Variants in ADCY2 observed in about 807,000 individuals in gnomAD.
The protein encoded by ADCY2 is adenylate cyclase type 2.
In ADCY2, 31 loss-of-function variants were observed where a neutral mutation model predicts 125.2. The ratio of observed to expected loss-of-function variants is 0.25; its 90% CI spans 0.19 to 0.33. The LOEUF (loss-of-function observed/expected upper bound fraction) is 0.33. Ranked by LOEUF, ADCY2 falls within the 10% of genes least tolerant of loss-of-function variation. The pLI is 1.00. For missense variants in ADCY2, 904 were observed against 1,418.2 expected, an observed-to-expected ratio of 0.64 and a Z score of 5.82; for synonymous variants, 512 against 548.4, an observed-to-expected ratio of 0.93 and a Z score of 0.93.
chr5:7,660,787 T>TAAA (rs11395291), intron 4 of ADCY2, among the ~76,000 whole-genome samples: 14 of 150,788 alleles, frequency 9.3e-5, no homozygotes, highest in East Asian at 1.9e-4. Flanking sequence ...AATCACATGT[T>TAAA]AAAAAAAAAA....
At chr5:7,779,559 A>T (rs1743847509) in intron 18 of ADCY2, among the ~76,000 whole-genome samples, 1 of 76,910 alleles carries the variant, frequency 1.3e-5, no homozygotes, top group South Asian at 6.8e-4. Flanking sequence ...GCAAAGGGCC[A>T]GCACTCCCAG....
At chr5:7,401,281 A>G (rs755845304) in intron 1 of ADCY2, among the ~76,000 whole-genome samples, 4 of 152,194 alleles carry the variant, frequency 2.6e-5, no homozygotes, top group Non-Finnish European at 5.9e-5. Context: ...CATTAGAGCC[A>G]GAAAGGTGCT....
chr5:7,625,123 G>A (rs1246576163), intron 3 of ADCY2, among the ~76,000 whole-genome samples: 1 of 152,218 alleles, frequency 6.6e-6, no homozygotes, highest in Non-Finnish European at 1.5e-5. Flanking sequence ...GATCAAATAT[G>A]AAGCCAAAGC....
chr5:7,616,936 A>T (rs1385493608), intron 3 of ADCY2, among the ~76,000 whole-genome samples: 2 of 152,118 alleles, frequency 1.3e-5, no homozygotes, highest in Non-Finnish European at 2.9e-5. Flanking sequence ...TTGTGTGCTC[A>T]CAGAGAAGAG....
In ADCY2 at chr5:7,828,350, C is replaced by G. The variant is rs1300817954; in HGVS notation, c.*1479C>G. ...TTTGAATCCTGGCTCTGATTTTTTA[C>G]TGGCTGTGTGACTTTGAACACATCT... is the stretch of plus-strand genomic sequence containing the variant. On this transcript the variant is annotated 3_prime_UTR_variant, in exon 25 of 25. Coordinates refer to ENST00000338316, the MANE Select transcript of ADCY2 (RefSeq NM_020546.3). The G allele has an allele frequency of 6.6e-6, 1 of 152,420 alleles. No homozygotes were observed. Among genetic ancestry groups the G allele is most frequent in the Admixed American group, 6.5e-5 (1 of 15,282 alleles). The allele number at this position is 152,420 out of a possible 1,614,324, so 9.4% of individuals were successfully genotyped here. A position where few individuals can be genotyped will look rare whatever the true frequency, so the allele number is the denominator to read the frequency against.
intron 14 of ADCY2, among the ~76,000 whole-genome samples, chr5:7,730,293 G>A (rs114200499): frequency 1.2e-3 from 177 of 152,266 alleles, no homozygotes; most frequent in African/African-American, 4.1e-3. Flanking sequence ...GTTGATGAAT[G>A]CTTGCATTGG....
At chr5:7,429,812 AG>A (rs1260088995) in intron 2 of ADCY2, among the ~76,000 whole-genome samples, 1 of 152,212 alleles carries the variant, frequency 6.6e-6, no homozygotes, top group Non-Finnish European at 1.5e-5. Context: ...AAAAGAAGAA[AG>A]GACTGAAATC....
chr5:7,807,790 C>T (rs543320067), intron 22 of ADCY2, among the ~76,000 whole-genome samples: 79 of 152,286 alleles, frequency 5.2e-4, no homozygotes, highest in African/African-American at 1.9e-3. Context: ...CAACCCTCTG[C>T]CTCAGCCTAC....
chr5:7,561,634 C>T (rs573650283), intron 3 of ADCY2, among the ~76,000 whole-genome samples: 7 of 150,256 alleles, frequency 4.7e-5, no homozygotes, highest in Admixed American at 1.3e-4. Context: ...AAATAATTTC[C>T]GAATGCACAT....
At chr5:7,610,845 T>C (rs957393700) in intron 3 of ADCY2, among the ~76,000 whole-genome samples, 7 of 152,172 alleles carry the variant, frequency 4.6e-5, no homozygotes, top group Non-Finnish European at 1.5e-5. Flanking sequence ...TTCTTGCAAA[T>C]TATGGAATTT....
chr5:7,704,390 A>G (rs1741193167), intron 7 of ADCY2, among the ~76,000 whole-genome samples: 1 of 152,194 alleles, frequency 6.6e-6, no homozygotes, highest in African/African-American at 2.4e-5. Flanking sequence ...AACATTTCCA[A>G]TGCTTAGAAA....
At chr5:7,457,811 A>G (rs1353454493) in intron 2 of ADCY2, among the ~76,000 whole-genome samples, 2 of 152,208 alleles carry the variant, frequency 1.3e-5, no homozygotes, top group Non-Finnish European at 2.9e-5. Flanking sequence ...GGCAATCGGT[A>G]AAACAGAACA....
At chr5:7,665,762 T>C (rs1277242498) in intron 4 of ADCY2, among the ~76,000 whole-genome samples, 1 of 151,152 alleles carries the variant, frequency 6.6e-6, no homozygotes, top group Non-Finnish European at 1.5e-5. Context: ...TCTCTATCTC[T>C]CTGATATTAC....
chr5:7,749,692 T>C (rs1742741510), intron 15 of ADCY2: 1 of 152,110 alleles, frequency 6.6e-6, no homozygotes, highest in Non-Finnish European at 1.5e-5. Flanking sequence ...ATACGGCAAA[T>C]GAAAATGCCA....
intron 3 of ADCY2, among the ~76,000 whole-genome samples, chr5:7,530,808 G>T (rs985082060): frequency 1.3e-5 from 2 of 151,988 alleles, no homozygotes; most frequent in Admixed American, 6.6e-5. Flanking sequence ...ACAGTGCCAT[G>T]CTCGTTCTCA....
chr5:7,439,837 G>C (rs1561026421), intron 2 of ADCY2, among the ~76,000 whole-genome samples: 1 of 152,144 alleles, frequency 6.6e-6, no homozygotes, highest in African/African-American at 2.4e-5. Context: ...TGCAAGTTTT[G>C]AATGTGGCAG....
At chr5:7,756,328 G>A (rs997065041) in intron 15 of ADCY2, among the ~76,000 whole-genome samples, 1 of 152,152 alleles carries the variant, frequency 6.6e-6, no homozygotes, top group Admixed American at 6.5e-5. Context: ...AGCAAATGCT[G>A]GCTGTCGTTC....
At chr5:7,603,814 T>G (rs1737310090) in intron 3 of ADCY2, among the ~76,000 whole-genome samples, 1 of 135,404 alleles carries the variant, frequency 7.4e-6, no homozygotes, top group African/African-American at 3.1e-5. Flanking sequence ...TTTTTTCTTT[T>G]GTTTTTTTTT....
chr5:7,532,191 G>A (rs532876275), intron 3 of ADCY2, among the ~76,000 whole-genome samples: 2 of 152,220 alleles, frequency 1.3e-5, no homozygotes, highest in Non-Finnish European at 2.9e-5. Context: ...CTTGCCGGAC[G>A]ATTGCAGATA....
Sources: gnomAD v4.1 joint callset for allele counts (sites outside exome capture counted in the v4.1 genomes callset) on GRCh38, gnomAD v4.1.1 for gene constraint, MANE v1.5 for transcripts, NCBI Gene and HGNC (gene_info 2026-07-23, HGNC 2026-07-21) for gene names.